The following STXBP4 variants were observed in gnomAD, a reference collection of about 807,000 sequenced individuals.
The protein encoded by STXBP4 is syntaxin-binding protein 4.
STXBP4 carries 55 observed loss-of-function variants against 76.1 expected under a neutral mutation model. The ratio of observed to expected loss-of-function variants is 0.72; its 90% CI spans 0.58 to 0.91. The LOEUF (loss-of-function observed/expected upper bound fraction) is 0.91, where lower values mean the gene tolerates loss of function less well. STXBP4 is among the 40% of genes least tolerant of loss of function. STXBP4 has a pLI of 0.00. For missense variants in STXBP4, 618 were observed against 636.9 expected (o/e 0.97, Z 0.32); for synonymous variants, 201 against 220.2 (o/e 0.91, Z 0.77).
intron 12 of STXBP4, among the ~76,000 whole-genome samples, chr17:55,052,602 TACA>T (rs2078872143): frequency 1.3e-5 from 2 of 152,114 alleles, no homozygotes; most frequent in Non-Finnish European, 2.9e-5. Flanking sequence ...GCAGAATATT[TACA>T]TGGTTTTAAA....
chr17:55,182,477 G>C, the STXBP4 span, among the ~76,000 whole-genome samples: 1 of 152,156 alleles, frequency 6.6e-6, no homozygotes, highest in Non-Finnish European at 1.5e-5. Context: ...GAAGTACAAT[G>C]AGAAGGGATA....
In STXBP4 at chr17:55,034,184, C is replaced by T; in HGVS notation, c.780C>T (p.Ala260=). 6.2e-7 allele frequency: 1 copy of T among 1,612,062 alleles called. No individual in the cohort carries two copies. The highest frequency in any genetic ancestry group is 8.5e-7 in the Non-Finnish European group (1 of 1,178,768). The change falls in exon 10 of 18, where the codon GCC becomes GCT. Residue 260 remains alanine (A), a synonymous_variant. Coordinates refer to ENST00000376352, the MANE Select transcript of STXBP4 (RefSeq NM_178509.6). ...CCATTTTAGATTTTGTCCAGGTTGCCAGAAACTTGTTTTGCTTGCAGTTGG... is the reference window on the plus strand; with the variant it reads ...CCATTTTAGATTTTGTCCAGGTTGCTAGAAACTTGTTTTGCTTGCAGTTGG... ...TVSFGDFVQV[A]RNLFCLQLDE...
intron 10 of STXBP4, among the ~76,000 whole-genome samples, chr17:55,036,218 T>C (rs1382311100): frequency 2.0e-5 from 3 of 151,992 alleles, no homozygotes; most frequent in East Asian, 3.8e-4. Context: ...TTCAGTCTTA[T>C]CTTGTCCATA....
chr17:55,116,391 A>C (rs2079780708), intron 16 of STXBP4, among the ~76,000 whole-genome samples: 1 of 151,846 alleles, frequency 6.6e-6, no homozygotes, highest in South Asian at 2.1e-4. Context: ...AGAATGTACC[A>C]GGCATCTCTT....
At chr17:55,072,428 T>C (rs920349047) in intron 12 of STXBP4, among the ~76,000 whole-genome samples, 5 of 152,178 alleles carry the variant, frequency 3.3e-5, no homozygotes, top group Non-Finnish European at 7.3e-5. Flanking sequence ...GTAGATAGAT[T>C]GACGTCCATG....
At chr17:55,204,813 AACACACAC>A in the STXBP4 span, among the ~76,000 whole-genome samples, 2 of 73,096 alleles carry the variant, frequency 2.7e-5, no homozygotes, top group Non-Finnish European at 5.0e-5. Context: ...TTCAAGATTA[AACACACAC>A]ACACACACAC....
intron 17 of STXBP4, among the ~76,000 whole-genome samples, chr17:55,153,424 T>G (rs979996533): frequency 6.6e-6 from 1 of 152,220 alleles, no homozygotes; most frequent in Admixed American, 6.5e-5. Flanking sequence ...ATAAGGAGCC[T>G]CTCAAAGTCC....
chr17:55,106,169 G>C (rs2079632319), intron 16 of STXBP4, among the ~76,000 whole-genome samples: 1 of 152,100 alleles, frequency 6.6e-6, no homozygotes, highest in Non-Finnish European at 1.5e-5. Context: ...ATTTAGGATA[G>C]TTAGCTCTTC....
the STXBP4 span, among the ~76,000 whole-genome samples, chr17:55,203,972 G>A: frequency 1.3e-5 from 2 of 152,002 alleles, no homozygotes; most frequent in Non-Finnish European, 2.9e-5. Flanking sequence ...AGCACTTCTT[G>A]AAAATGTGAT....
At chr17:55,024,790 T>A (rs555399612) in intron 8 of STXBP4, among the ~76,000 whole-genome samples, 1 of 152,046 alleles carries the variant, frequency 6.6e-6, no homozygotes, top group South Asian at 2.1e-4. Flanking sequence ...GTAAGGAAAA[T>A]GAAGGAACAA....
chr17:55,024,853 G>A (rs2078383358), intron 8 of STXBP4, among the ~76,000 whole-genome samples: 1 of 152,046 alleles, frequency 6.6e-6, no homozygotes, highest in Admixed American at 6.5e-5. Flanking sequence ...GTAAGTTATA[G>A]ATGGCCGGGC....
intron 16 of STXBP4, among the ~76,000 whole-genome samples, chr17:55,100,257 G>A (rs1386457589): frequency 2.0e-5 from 3 of 152,156 alleles, no homozygotes; most frequent in Non-Finnish European, 4.4e-5. Flanking sequence ...GACTCCATGG[G>A]CACAGTTTTG....
At chr17:55,086,295 A>G (rs2079327651) in intron 16 of STXBP4, among the ~76,000 whole-genome samples, 1 of 152,118 alleles carries the variant, frequency 6.6e-6, no homozygotes, top group African/African-American at 2.4e-5. Flanking sequence ...GTATGTATGC[A>G]TGGGGTACAT....
intron 12 of STXBP4, among the ~76,000 whole-genome samples, chr17:55,060,683 A>G (rs144736989): frequency 2.6e-5 from 4 of 152,242 alleles, no homozygotes; most frequent in African/African-American, 4.8e-5. Flanking sequence ...AAACTCAAGT[A>G]TTTTTATGAG....
chr17:55,133,572 G>T (rs573754651), intron 16 of STXBP4, among the ~76,000 whole-genome samples: 4 of 152,270 alleles, frequency 2.6e-5, no homozygotes, highest in African/African-American at 9.6e-5. Flanking sequence ...GGACACAGAG[G>T]AGTTGAAGAA....
chr17:55,191,145 G>A, the STXBP4 span, among the ~76,000 whole-genome samples: 1 of 152,118 alleles, frequency 6.6e-6, no homozygotes, highest in Non-Finnish European at 1.5e-5. Context: ...ATACAGATGA[G>A]GAAGCTGAAA....
chr17:55,183,618 C>A, the STXBP4 span, among the ~76,000 whole-genome samples: 4 of 152,118 alleles, frequency 2.6e-5, no homozygotes, highest in Non-Finnish European at 4.4e-5. Flanking sequence ...TCAACTATAA[C>A]TGTGACTCTT....
Position 55,166,981 on chromosome 17 carries a change from G to A in STXBP4, c.*7070G>A, listed in dbSNP as rs2080380598. 1 of 152,152 alleles carries A rather than the reference G, an allele frequency of 6.6e-6. No homozygotes were observed. The highest frequency in any genetic ancestry group is 2.1e-4 in the South Asian group (1 of 4,822). 9.4% of individuals were successfully genotyped at this position (152,152 alleles called of 1,614,324 possible). A position where few individuals can be genotyped will look rare whatever the true frequency, so the allele number is the denominator to read the frequency against. Reference sequence around the variant, plus strand: ...CTAGGTGAGTAAATCAGGTGGAGGTGGGAAGGAAATGGGAAAACAGAATAC... The same window carrying A: ...CTAGGTGAGTAAATCAGGTGGAGGTAGGAAGGAAATGGGAAAACAGAATAC... On this transcript the variant is annotated 3_prime_UTR_variant, in exon 18 of 18. Transcript: ENST00000376352.
intron 17 of STXBP4, among the ~76,000 whole-genome samples, chr17:55,155,198 T>C (rs1019865991): frequency 2.0e-5 from 3 of 152,158 alleles, no homozygotes; most frequent in Non-Finnish European, 2.9e-5. Context: ...ATACTTCCTA[T>C]TACTAATCTG....
Sources: allele counts gnomAD v4.1 joint callset (sites outside exome capture counted in the v4.1 genomes callset), GRCh38; gene constraint gnomAD v4.1.1; transcripts MANE v1.5; gene names NCBI Gene and HGNC (gene_info 2026-07-23, HGNC 2026-07-21).